CFH: variants seen among roughly 807,000 people sequenced by gnomAD.
CFH encodes the protein complement factor H.
CFH carries 53 observed loss-of-function variants against 147.3 expected under a neutral mutation model. The observed-to-expected ratio is 0.36, with a 90% CI of 0.29 to 0.45. The LOEUF (loss-of-function observed/expected upper bound fraction) is 0.45. Ranked by LOEUF, CFH falls within the 20% of genes least tolerant of loss-of-function variation. The probability of loss-of-function intolerance (pLI) is 1.00; values close to 1 mark genes in which losing one functional copy is unlikely to be tolerated. For synonymous variants in CFH, 536 were observed against 489.4 expected (o/e 1.10, Z -1.26); for missense variants, 1,380 against 1,498.0 (o/e 0.92, Z 1.30).
chr1:196,686,761 T>A (rs1216695008), intron 7 of CFH, among the ~76,000 whole-genome samples: 1 of 152,144 alleles, frequency 6.6e-6, no homozygotes, highest in Non-Finnish European at 1.5e-5. Flanking sequence ...CTAAACCAAC[T>A]GAGACCCAAC....
intron 3 of CFH, 140 bp downstream of exon 3, chr1:196,674,102 A>T: frequency 1.5e-6 from 1 of 647,424 alleles, no homozygotes; most frequent in African/African-American, 1.8e-5. Flanking sequence ...TTTAACTATG[A>T]TGGAAATAAT....
intron 6 of CFH, among the ~76,000 whole-genome samples, chr1:196,682,458 A>C (rs1667689236): frequency 6.6e-6 from 1 of 151,646 alleles, no homozygotes; most frequent in Non-Finnish European, 1.5e-5. Context: ...GCTTGAGCAT[A>C]ATCACCAGAA....
chr1:196,736,999 CTG>C lies in CFH; in HGVS notation c.2593_2594del (p.Val865Ter). 1 of 1,608,568 alleles carries C rather than the reference CTG, an allele frequency of 6.2e-7. No individual in the cohort carries two copies. Among genetic ancestry groups the C allele is most frequent in the Non-Finnish European group, 8.5e-7 (1 of 1,176,208 alleles). Reference sequence around the variant, plus strand: ...ATGGAAGATGGCAGTCAATACCACTCTGTGTTGGTCAGTAGTGTATAATTTGT... The same window carrying C: ...ATGGAAGATGGCAGTCAATACCACTCTGTTGGTCAGTAGTGTATAATTTGT... The part of the protein sequence containing the change: ...KDGRWQSIPL[C>X]VEKIPCSQPP... On this transcript the variant is annotated frameshift_variant, in exon 16 of 22. Coordinates refer to ENST00000367429, the MANE Select transcript of CFH (RefSeq NM_000186.4). LOFTEE classifies it high-confidence loss of function.
At chr1:196,714,640 T>TATATATATAC (rs1668808579) in intron 10 of CFH, among the ~76,000 whole-genome samples, 2 of 19,980 alleles carry the variant, frequency 1.0e-4, no homozygotes, top group African/African-American at 5.4e-4. Flanking sequence ...TATATGTATA[T>TATATATATAC]ATATATATAT....
At chr1:196,724,815 T>C (rs1669097156) in intron 11 of CFH, among the ~76,000 whole-genome samples, 2 of 152,076 alleles carry the variant, frequency 1.3e-5, no homozygotes, top group Non-Finnish European at 2.9e-5. Context: ...ATGTTTTGAG[T>C]AAAAAAAGTA....
chr1:196,661,476 A>T (rs1296020611), intron 1 of CFH, among the ~76,000 whole-genome samples: 1 of 152,176 alleles, frequency 6.6e-6, no homozygotes, highest in Non-Finnish European at 1.5e-5. Context: ...GTACCAGCAG[A>T]TTCAGTGTTT....
chr1:196,665,665 T>A (rs1247919529), intron 1 of CFH, among the ~76,000 whole-genome samples: 1 of 152,180 alleles, frequency 6.6e-6, no homozygotes, highest in Admixed American at 6.5e-5. Flanking sequence ...TGGAGTGCAA[T>A]GGCGTGATCT....
At chr1:196,697,444 A>G (rs973839895) in intron 9 of CFH, among the ~76,000 whole-genome samples, 4 of 152,228 alleles carry the variant, frequency 2.6e-5, no homozygotes, top group African/African-American at 9.7e-5. Context: ...TGCAAATCAA[A>G]ACCACAATGA....
chr1:196,729,777 C>G (rs1669237946), intron 15 of CFH, among the ~76,000 whole-genome samples: 1 of 151,888 alleles, frequency 6.6e-6, no homozygotes, highest in Admixed American at 6.6e-5. Context: ...CTCATGATTA[C>G]TCTGTTCAGA....
chr1:196,664,588 G>A (rs993810378), intron 1 of CFH, among the ~76,000 whole-genome samples: 6 of 152,122 alleles, frequency 3.9e-5, no homozygotes, highest in Admixed American at 3.3e-4. Flanking sequence ...TACAAAACAA[G>A]CAGCGATTGG....
intron 10 of CFH, among the ~76,000 whole-genome samples, chr1:196,714,655 A>ATG: frequency 5.5e-5 from 3 of 54,614 alleles, no homozygotes; most frequent in African/African-American, 2.0e-4. Context: ...ATATATATAT[A>ATG]TATATATATA....
At chr1:196,689,329 G>T in intron 7 of CFH, 91 bp from the exon 8 acceptor site, 3 of 1,175,120 alleles carry the variant, frequency 2.6e-6, no homozygotes, top group South Asian at 1.4e-5. Context: ...ACTAAGAAGA[G>T]AATATAATTC....
chr1:196,739,629 T>C (rs1573078766), intron 17 of CFH, among the ~76,000 whole-genome samples: 1 of 152,144 alleles, frequency 6.6e-6, no homozygotes, highest in Admixed American at 6.5e-5. Flanking sequence ...TCAACAAGCC[T>C]CTAGGAAGTG....
intron 1 of CFH, 59 bp downstream of exon 1, chr1:196,652,234 C>A: frequency 1.5e-6 from 2 of 1,295,638 alleles, no homozygotes; most frequent in Non-Finnish European, 2.2e-6. Context: ...GCTAATGATG[C>A]TTTTCACAGG....
chr1:196,715,088 A>G (rs182120446), intron 10 of CFH, among the ~76,000 whole-genome samples: 4 of 151,982 alleles, frequency 2.6e-5, no homozygotes, highest in Admixed American at 6.6e-5. Flanking sequence ...TAGTCCTCAT[A>G]AAAAAGCTAA....
At chr1:196,731,954 G>C (rs1669289962) in intron 15 of CFH, among the ~76,000 whole-genome samples, 1 of 151,788 alleles carries the variant, frequency 6.6e-6, no homozygotes, top group Non-Finnish European at 1.5e-5. Flanking sequence ...ATTGTGTTAT[G>C]TCTTAAAGTG....
At chr1:196,666,046 A>G (rs139124734) in intron 1 of CFH, among the ~76,000 whole-genome samples, 17 of 152,358 alleles carry the variant, frequency 1.1e-4, no homozygotes, top group African/African-American at 3.6e-4. Context: ...GGCAGTATGC[A>G]CAAGAACAGC....
At position 196,673,934 on chromosome 1, in the gene CFH, G is replaced by A. The variant is rs868394050; in HGVS notation, c.322G>A (p.Val108Ile). 6.2e-7 allele frequency: 1 copy of A among 1,612,836 alleles called. No homozygotes were observed. The highest frequency in any genetic ancestry group is 2.2e-5 in the East Asian group (1 of 44,758). Reference sequence around the variant, plus strand: ...AGGAGGAAATGTGTTTGAATATGGTGTAAAAGCTGTGTATACATGTAATGA... The same window carrying A: ...AGGAGGAAATGTGTTTGAATATGGTATAAAAGCTGTGTATACATGTAATGA... ...LTGGNVFEYGVKAVYTCNEGY... is the reference protein window; with the variant it reads ...LTGGNVFEYGIKAVYTCNEGY... Residue 108 changes from valine to isoleucine, a missense_variant, in exon 3 of 22, where the codon GTA becomes ATA. Coordinates refer to ENST00000367429, the MANE Select transcript of CFH (RefSeq NM_000186.4).
intron 7 of CFH, among the ~76,000 whole-genome samples, chr1:196,687,277 T>C (rs2149086848): frequency 6.6e-6 from 1 of 152,210 alleles, no homozygotes; most frequent in South Asian, 2.1e-4. Context: ...GTGTAACAAG[T>C]AGAATGAAGC....
Sources: gnomAD v4.1 joint callset for allele counts (sites outside exome capture counted in the v4.1 genomes callset) on GRCh38, gnomAD v4.1.1 for gene constraint, MANE v1.5 for transcripts, NCBI Gene and HGNC (gene_info 2026-07-23, HGNC 2026-07-21) for gene names.